TNRC6A: variants seen among roughly 807,000 people sequenced by gnomAD.
TNRC6A encodes the protein trinucleotide repeat-containing gene 6A protein.
TNRC6A carries 44 observed loss-of-function variants against 221.2 expected under a neutral mutation model. The observed-to-expected ratio is 0.20, with a 90% confidence interval of 0.16 to 0.26. TNRC6A has a LOEUF of 0.26. Among genes scored for constraint, TNRC6A ranks in the 10% least tolerant of loss-of-function variants. The pLI, the probability that TNRC6A is intolerant of heterozygous loss-of-function variation, is 1.00. For synonymous variants in TNRC6A, 847 were observed against 838.5 expected (o/e 1.01, Z -0.18); for missense variants, 2,199 against 2,404.4 (o/e 0.91, Z 1.79).
At chr16:24,646,521 T>C (rs1902298268) in intron 2 of TNRC6A, among the ~76,000 whole-genome samples, 1 of 152,360 alleles carries the variant, frequency 6.6e-6, no homozygotes, top group East Asian at 1.9e-4. Flanking sequence ...GTATTTATCA[T>C]ACAGTGGGAT....
intron 4 of TNRC6A, among the ~76,000 whole-genome samples, chr16:24,769,738 A>T (rs888919795): frequency 5.3e-5 from 8 of 152,252 alleles, no homozygotes; most frequent in Admixed American, 6.5e-5. Context: ...CATCATTCTT[A>T]CTTACTCTTC....
chr16:24,775,417 A>G (rs1182711693), intron 4 of TNRC6A, among the ~76,000 whole-genome samples: 1 of 152,194 alleles, frequency 6.6e-6, no homozygotes, highest in Admixed American at 6.5e-5. Flanking sequence ...GGCTAAGATC[A>G]TATATTATAT....
chr16:24,800,006 T>TTTTGTTTG (rs773775841), intron 11 of TNRC6A, among the ~76,000 whole-genome samples: 2 of 152,046 alleles, frequency 1.3e-5, no homozygotes, highest in African/African-American at 2.4e-5. Context: ...AGTAGACTAG[T>TTTTGTTTG]TTTGTTTGTT....
chr16:24,801,710 A>C (rs2058335036), intron 11 of TNRC6A, among the ~76,000 whole-genome samples: 1 of 152,104 alleles, frequency 6.6e-6, no homozygotes, highest in Admixed American at 6.5e-5. Flanking sequence ...AACTGGTCGC[A>C]AACTCCTGCC....
At chr16:24,650,775 A>G (rs1902600053) in intron 2 of TNRC6A, among the ~76,000 whole-genome samples, 1 of 152,242 alleles carries the variant, frequency 6.6e-6, no homozygotes. Context: ...CACGCCTGCC[A>G]TGTGCACTGG....
chr16:24,758,348 C>CA lies in TNRC6A; in HGVS notation c.157dup (p.Ile53AsnfsTer20). ...TTTGTTTTTATTTTAGGCCACTGAACAAAAAATCAAAGGTACGTTGTTTAA... is the reference window on the plus strand; with the variant it reads ...TTTGTTTTTATTTTAGGCCACTGAACAAAAAAATCAAAGGTACGTTGTTTAA... On this transcript the variant is annotated frameshift_variant, in exon 4 of 25. Coordinates refer to ENST00000395799, the MANE Select transcript of TNRC6A (RefSeq NM_014494.4). LOFTEE classifies it high-confidence loss of function. The CA allele has an allele frequency of 1.2e-6, 2 of 1,609,198 alleles. No homozygotes were observed. Among genetic ancestry groups the CA allele is most frequent in the Non-Finnish European group, 1.7e-6 (2 of 1,176,470 alleles).
chr16:24,757,131 A>C (rs1159552928), intron 3 of TNRC6A, among the ~76,000 whole-genome samples: 1 of 152,098 alleles, frequency 6.6e-6, no homozygotes, highest in Admixed American at 6.6e-5. Context: ...CTTTCCATCA[A>C]AATTTTTTTT....
intron 4 of TNRC6A, among the ~76,000 whole-genome samples, chr16:24,769,666 T>G (rs2057549820): frequency 6.6e-6 from 1 of 152,108 alleles, no homozygotes; most frequent in African/African-American, 2.4e-5. Context: ...GCTGTAGGTG[T>G]TTTTTAGAGC....
chr16:24,794,813 TCAGTA>T, intron 8 of TNRC6A, 94 bp downstream of exon 8: 1 of 1,287,898 alleles, frequency 7.8e-7, no homozygotes, highest in Admixed American at 2.6e-5. Flanking sequence ...TTTCTGGCGG[TCAGTA>T]CAGTCCAGGC....
chr16:24,687,911 CTTCTTTTCTTTTCTT>C (rs551462314), intron 2 of TNRC6A, among the ~76,000 whole-genome samples: 7,249 of 120,210 alleles, frequency 0.06, 633 homozygotes, highest in East Asian at 0.36. Flanking sequence ...CTTGGACATG[CTTCTTTTCTTTTCTT>C]TTCTTTTCTT....
intron 5 of TNRC6A, among the ~76,000 whole-genome samples, chr16:24,783,654 TAA>T (rs1203648701): frequency 6.6e-6 from 1 of 152,206 alleles, no homozygotes; most frequent in Non-Finnish European, 1.5e-5. Context: ...TTCCAAATCT[TAA>T]GTTTGCCTAC....
chr16:24,716,396 C>T (rs2056313163), intron 2 of TNRC6A, among the ~76,000 whole-genome samples: 1 of 152,174 alleles, frequency 6.6e-6, no homozygotes. Context: ...GGGCTGGGTG[C>T]AGTGGCTCAC....
intron 2 of TNRC6A, among the ~76,000 whole-genome samples, chr16:24,664,435 A>G (rs2055101743): frequency 6.9e-6 from 1 of 145,304 alleles, no homozygotes; most frequent in South Asian, 2.1e-4. Flanking sequence ...AATAAATATG[A>G]ATATAATAAA....
chr16:24,688,507 C>T (rs917170544), intron 2 of TNRC6A, among the ~76,000 whole-genome samples: 6 of 152,200 alleles, frequency 3.9e-5, no homozygotes, highest in Non-Finnish European at 5.9e-5. Context: ...TCTATTTCAT[C>T]CTCTGTGTCA....
chr16:24,786,498 T>TAG (rs2057972426), intron 5 of TNRC6A, among the ~76,000 whole-genome samples: 1 of 151,152 alleles, frequency 6.6e-6, no homozygotes, highest in South Asian at 2.1e-4. Flanking sequence ...AATTTTTTTG[T>TAG]AGAGATGGGC....
intron 2 of TNRC6A, among the ~76,000 whole-genome samples, chr16:24,706,542 T>G (rs996243341): frequency 1.3e-5 from 2 of 151,784 alleles, no homozygotes; most frequent in Admixed American, 1.3e-4. Flanking sequence ...AAACCCCATC[T>G]CCACTAAAAA....
intron 1 of TNRC6A, among the ~76,000 whole-genome samples, chr16:24,637,234 TG>T: frequency 6.6e-6 from 1 of 152,140 alleles, no homozygotes; most frequent in East Asian, 1.9e-4. Flanking sequence ...GGTTTCACCA[TG>T]TTGCTCAGGC....
At chr16:24,748,298 A>G (rs2057057306) in intron 2 of TNRC6A, among the ~76,000 whole-genome samples, 1 of 152,202 alleles carries the variant, frequency 6.6e-6, no homozygotes, top group Non-Finnish European at 1.5e-5. Flanking sequence ...AGGTAACATG[A>G]CAGTGGTGTA....
chr16:24,688,129 C>T (rs1438858178), intron 2 of TNRC6A, among the ~76,000 whole-genome samples: 1 of 150,016 alleles, frequency 6.7e-6, no homozygotes, highest in Non-Finnish European at 1.5e-5. Context: ...TTAGTAGAGA[C>T]GGGGTTTTAC....
Sources: gnomAD v4.1 joint callset for allele counts (sites outside exome capture counted in the v4.1 genomes callset) on GRCh38, gnomAD v4.1.1 for gene constraint, MANE v1.5 for transcripts, NCBI Gene and HGNC (gene_info 2026-07-23, HGNC 2026-07-21) for gene names.